The following ADARB2 variants were observed in gnomAD, a reference collection of about 807,000 sequenced individuals.
The protein encoded by ADARB2 is adenosine deaminase RNA specific B2 (inactive).
In ADARB2, 25 loss-of-function variants were observed where a neutral mutation model predicts 62.2. The observed-to-expected ratio is 0.40, with a 90% CI of 0.29 to 0.56. The LOEUF (loss-of-function observed/expected upper bound fraction) is 0.56, where lower values mean the gene tolerates loss of function less well. Among genes scored for constraint, ADARB2 ranks in the 20% least tolerant of loss-of-function variants. The probability of loss-of-function intolerance (pLI) is 0.43; values close to 1 mark genes in which losing one functional copy is unlikely to be tolerated. For synonymous variants in ADARB2, 572 were observed against 500.8 expected, an observed-to-expected ratio of 1.14 and a Z score of -1.90; for missense variants, 1,071 against 1,077.4, an observed-to-expected ratio of 0.99 and a Z score of 0.08.
chr10:1,330,113 T>C (rs1831915229), intron 3 of ADARB2, among the ~76,000 whole-genome samples: 1 of 152,046 alleles, frequency 6.6e-6, no homozygotes, highest in Non-Finnish European at 1.5e-5. Flanking sequence ...CCACGTTCTT[T>C]TGTGTGTAAG....
intron 1 of ADARB2, among the ~76,000 whole-genome samples, chr10:1,715,551 C>G (rs1348942911): frequency 6.6e-6 from 1 of 152,138 alleles, no homozygotes; most frequent in Non-Finnish European, 1.5e-5. Context: ...AAGCAGAAAC[C>G]CAGCCAGTGG....
chr10:1,360,732 G>T (rs896122232), intron 3 of ADARB2, among the ~76,000 whole-genome samples: 1 of 152,212 alleles, frequency 6.6e-6, no homozygotes. Flanking sequence ...CGAAACCCTC[G>T]CGCTGCTCTG....
intron 1 of ADARB2, among the ~76,000 whole-genome samples, chr10:1,656,356 GTAA>G (rs1834172170): frequency 6.6e-6 from 1 of 152,184 alleles, no homozygotes; most frequent in Non-Finnish European, 1.5e-5. Flanking sequence ...GGGTCCACGT[GTAA>G]TTCTACTTTT....
intron 9 of ADARB2, among the ~76,000 whole-genome samples, chr10:1,184,418 C>CA (rs1158732391): frequency 7.9e-5 from 12 of 152,098 alleles, no homozygotes; most frequent in African/African-American, 2.9e-4. Flanking sequence ...AATGCTTGGG[C>CA]TTTGGGGTTG....
chr10:1,188,433 T>G (rs547930765), intron 8 of ADARB2, among the ~76,000 whole-genome samples: 60 of 152,334 alleles, frequency 3.9e-4, no homozygotes, highest in Middle Eastern at 3.4e-3. Flanking sequence ...TCCTTGTTCC[T>G]TTCACGGAAA....
At chr10:1,383,706 G>C (rs987061881) in intron 1 of ADARB2, among the ~76,000 whole-genome samples, 7 of 152,340 alleles carry the variant, frequency 4.6e-5, no homozygotes, top group African/African-American at 1.7e-4. Context: ...TAGCTTTCTT[G>C]ATGTATTTAT....
chr10:1,318,098 A>G (rs1335294366), intron 3 of ADARB2, among the ~76,000 whole-genome samples: 2 of 152,208 alleles, frequency 1.3e-5, no homozygotes, highest in African/African-American at 4.8e-5. Flanking sequence ...GCAATTTAAG[A>G]TGGTGAAGAA....
intron 1 of ADARB2, among the ~76,000 whole-genome samples, chr10:1,559,181 G>A (rs541761187): frequency 6.6e-6 from 1 of 152,310 alleles, no homozygotes; most frequent in African/African-American, 2.4e-5. Context: ...CCAGATACTT[G>A]CTTCTCCCCA....
chr10:1,346,243 G>A lies in ADARB2; in HGVS notation c.1077+16785C>T, dbSNP rs149637116. On this transcript the variant is annotated intron_variant, in intron 3 of 9. Coordinates refer to ENST00000381312, the MANE Select transcript of ADARB2 (RefSeq NM_018702.4). ...TCCACTTTATTACTCCCCATGCACC[G>A]ACAGGGTCTCAGATGTATGGGTGAG... Among the ~76,000 whole-genome samples the A allele has an allele frequency of 4.3e-3, 653 of 152,262 alleles. 2 individuals carry two copies. The highest frequency in any genetic ancestry group is 7.5e-3 in the Admixed American group (115 of 15,296).
intron 1 of ADARB2, among the ~76,000 whole-genome samples, chr10:1,543,106 C>T (rs1244481853): frequency 6.6e-6 from 1 of 152,242 alleles, no homozygotes; most frequent in African/African-American, 2.4e-5. Context: ...GGGATTCCAC[C>T]CTGGGGCGGT....
chr10:1,384,723 G>A lies in ADARB2; in HGVS notation c.101-5563C>T, dbSNP rs189881563. ...AAGAACACAGCAGCACTGATAAGTT[G>A]AGAAGGCAAAAACCAAAGTTTGCAC... On this transcript the variant is annotated intron_variant, in intron 1 of 9. Transcript: ENST00000381312. 5.5e-4 allele frequency among the ~76,000 whole-genome samples: 84 copies of A among 152,312 alleles called. No individual in the cohort carries two copies. The Middle Eastern group carries it at 0.01, about 19-fold the overall frequency.
In ADARB2 at chr10:1,528,932, C is replaced by G. The variant is rs554138969; in HGVS notation, c.101-149772G>C. On this transcript the variant is annotated intron_variant, in intron 1 of 9. Coordinates refer to ENST00000381312, the MANE Select transcript of ADARB2 (RefSeq NM_018702.4). ...CTCGTCCTGCCCCTGTGGTCTGTCC[C>G]TTCCTAGGTTCCCACGGTTCTCTCT... Among the ~76,000 whole-genome samples the G allele has an allele frequency of 1.3e-3, 197 of 152,216 alleles. 1 individual carries two copies. Among genetic ancestry groups the G allele is most frequent in the Non-Finnish European group, 2.2e-3 (150 of 68,020 alleles).
intron 7 of ADARB2, chr10:1,200,410 C>CT (rs1836971013): frequency 1.9e-6 from 1 of 522,894 alleles, no homozygotes; most frequent in Admixed American, 3.7e-5. Flanking sequence ...AGAGTGGAAA[C>CT]TGTTATGTTC....
intron 4 of ADARB2, among the ~76,000 whole-genome samples, chr10:1,259,688 C>G (rs1372010846): frequency 6.6e-6 from 1 of 152,110 alleles, no homozygotes; most frequent in Non-Finnish European, 1.5e-5. Flanking sequence ...AGTCCAGGAC[C>G]AGATGGATTC....
At chr10:1,232,130 A>G (rs926527161) in intron 6 of ADARB2, among the ~76,000 whole-genome samples, 8 of 152,082 alleles carry the variant, frequency 5.3e-5, no homozygotes, top group Non-Finnish European at 1.2e-4. Flanking sequence ...TCCTCATCAT[A>G]CACATATCAC....
intron 4 of ADARB2, among the ~76,000 whole-genome samples, chr10:1,245,079 C>T (rs908337595): frequency 1.3e-5 from 2 of 152,036 alleles, no homozygotes; most frequent in Non-Finnish European, 2.9e-5. Context: ...TGCTGGGTTG[C>T]ACAGGAGGAG....
chr10:1,515,732 A>G (rs1159399191), intron 1 of ADARB2, among the ~76,000 whole-genome samples: 1 of 152,190 alleles, frequency 6.6e-6, no homozygotes, highest in African/African-American at 2.4e-5. Context: ...GTAACTTCAG[A>G]TCCCAAAGTG....
chr10:1,558,356 G>T (rs1832736256), intron 1 of ADARB2, among the ~76,000 whole-genome samples: 2 of 140,436 alleles, frequency 1.4e-5, no homozygotes, highest in Admixed American at 1.4e-4. Flanking sequence ...CCCATTCTGT[G>T]GGTGCTCAGC....
chr10:1,326,989 AGCGCCTCCCCACTGCC>A lies in ADARB2; in HGVS notation c.1077+36023_1077+36038del, dbSNP rs1831861649. Among the ~76,000 whole-genome samples the A allele has an allele frequency of 2.9e-4, 10 of 35,068 alleles. 3 individuals are homozygous for A. Among genetic ancestry groups the A allele is most frequent in the East Asian group, 1.3e-3 (2 of 1,528 alleles). The allele number at this position is 35,068 out of a possible 152,430, so 23.0% of individuals were successfully genotyped here. ...ACGGCCCAGCGCCTCCCCACGGCCC[AGCGCCTCCCCACTGCC>A]CAGCGCCTCCCCACGGCACAGCGCC... is the stretch of plus-strand genomic sequence containing the variant. On this transcript the variant is annotated intron_variant, in intron 3 of 9. Coordinates refer to ENST00000381312, the MANE Select transcript of ADARB2 (RefSeq NM_018702.4).
Sources: allele counts gnomAD v4.1 joint callset (sites outside exome capture counted in the v4.1 genomes callset), GRCh38; gene constraint gnomAD v4.1.1; transcripts MANE v1.5; gene names NCBI Gene and HGNC (gene_info 2026-07-23, HGNC 2026-07-21).